CCDC7: variants seen among roughly 807,000 people sequenced by gnomAD.
CCDC7 encodes coiled-coil domain containing 7.
Under a neutral mutation model 196.9 loss-of-function variants are expected in CCDC7, and 183 were observed. The ratio of observed to expected loss-of-function variants is 0.93; its 90% CI spans 0.82 to 1.05. CCDC7 has a LOEUF of 1.05. Ranked by LOEUF, CCDC7 falls within the 50% of genes least tolerant of loss-of-function variation. CCDC7 has a pLI of 0.00. For synonymous variants in CCDC7, 525 were observed against 484.6 expected, an observed-to-expected ratio of 1.08 and a Z score of -1.10; for missense variants, 1,540 against 1,482.2, an observed-to-expected ratio of 1.04 and a Z score of -0.64.
intron 24 of CCDC7, among the ~76,000 whole-genome samples, chr10:32,708,402 T>C (rs180993225): frequency 2.6e-5 from 4 of 152,312 alleles, no homozygotes; most frequent in Admixed American, 1.3e-4. Context: ...TTTCAGATCA[T>C]AGGCATGGAC....
In CCDC7 at chr10:32,640,871, T is replaced by TC. The variant is rs1347741532; in HGVS notation, c.2014+5713_2014+5714insC. 3.9e-4 allele frequency among the ~76,000 whole-genome samples: 45 copies of TC among 115,144 alleles called. 1 individual carries two copies. The highest frequency in any genetic ancestry group is 9.1e-5 in the Non-Finnish European group (5 of 54,736). The allele number at this position is 115,144 out of a possible 152,430, so 75.5% of individuals were successfully genotyped here. A position where few individuals can be genotyped will look rare whatever the true frequency, so the allele number is the denominator to read the frequency against. On this transcript the variant is annotated intron_variant, in intron 20 of 41. Coordinates refer to ENST00000639629, the Ensembl canonical transcript of CCDC7. ...TTCTGGCTTGTAGATTTTCTTTTTT[T>TC]TTTTCTTTTTTTTTTTATTATACTC...
Position 32,582,106 on chromosome 10 carries a change from CTA to C in CCDC7, c.1455-895_1455-894del, listed in dbSNP as rs6143863. Among the ~76,000 whole-genome samples the C allele has an allele frequency of 9.1e-3, 942 of 103,702 alleles. 17 individuals carry two copies. Among genetic ancestry groups the C allele is most frequent in the African/African-American group, 0.02 (624 of 31,246 alleles). The allele number at this position is 103,702 out of a possible 152,430, so 68.0% of individuals were successfully genotyped here. On this transcript the variant is annotated intron_variant, in intron 16 of 41. Transcript: ENST00000639629. ...TCTATGTTTTTTTAAACTGTCAGCA[CTA>C]TATATATATATATATATATATATAT...
intron 13 of CCDC7, among the ~76,000 whole-genome samples, chr10:32,555,577 G>A (rs372820790): frequency 2.6e-4 from 40 of 152,112 alleles, no homozygotes; most frequent in African/African-American, 8.9e-4. Context: ...GACACATTCT[G>A]TAAGGAAGTC....
At chr10:32,625,078 C>A (rs1429207594) in intron 18 of CCDC7, among the ~76,000 whole-genome samples, 1 of 141,222 alleles carries the variant, frequency 7.1e-6, no homozygotes, top group Non-Finnish European at 1.5e-5. Context: ...ATTTTGGTGT[C>A]CTACCCAGAA....
chr10:32,821,394 G>C (rs2090159664), intron 31 of CCDC7, among the ~76,000 whole-genome samples: 2 of 152,184 alleles, frequency 1.3e-5, no homozygotes, highest in Non-Finnish European at 2.9e-5. Context: ...CATTGTGGAA[G>C]TCAGTGTGGC....
downstream of CCDC7, chr10:32,876,414 A>C (rs774284515): frequency 6.3e-7 from 1 of 1,599,406 alleles, no homozygotes; most frequent in Non-Finnish European, 8.5e-7. Context: ...AATTCTGAGC[A>C]AGATAAGCAA....
At chr10:32,546,030 C>A (rs1274801428) in intron 13 of CCDC7, among the ~76,000 whole-genome samples, 1 of 151,842 alleles carries the variant, frequency 6.6e-6, no homozygotes, top group Non-Finnish European at 1.5e-5. Context: ...GAAGGAGAGA[C>A]CAAAGACTGG....
At chr10:32,673,621 T>A (rs12768186) in intron 21 of CCDC7, among the ~76,000 whole-genome samples, 2 of 129,050 alleles carry the variant, frequency 1.5e-5, no homozygotes, top group Non-Finnish European at 3.2e-5. Context: ...ATTCTGTACC[T>A]TTACTGAATT....
chr10:32,658,281 A>G (rs1336515743), intron 20 of CCDC7, among the ~76,000 whole-genome samples: 1 of 152,198 alleles, frequency 6.6e-6, no homozygotes, highest in African/African-American at 2.4e-5. Context: ...AATACCTGAG[A>G]CTAGGTAATT....
chr10:32,464,441 CTAAT>C (rs1036360678), intron 5 of CCDC7, among the ~76,000 whole-genome samples: 1 of 152,068 alleles, frequency 6.6e-6, no homozygotes, highest in Non-Finnish European at 1.5e-5. Flanking sequence ...ATACATATGA[CTAAT>C]TATTTCACTT....
intron 9 of CCDC7, among the ~76,000 whole-genome samples, chr10:32,506,862 A>G (rs963737454): frequency 2.6e-5 from 4 of 151,818 alleles, no homozygotes; most frequent in African/African-American, 9.7e-5. Context: ...GAAAGGGGAG[A>G]GGGAGAGGGA....
chr10:32,852,053 A>G, intron 40 of CCDC7, 121 bp downstream of exon 41: 1 of 1,018,330 alleles, frequency 9.8e-7, no homozygotes, highest in Non-Finnish European at 1.4e-6. Flanking sequence ...AAATGAAAGT[A>G]AATTGTGAGT....
At chr10:32,765,087 T>C (rs2078058763) in intron 28 of CCDC7, among the ~76,000 whole-genome samples, 2 of 151,976 alleles carry the variant, frequency 1.3e-5, no homozygotes, top group African/African-American at 4.8e-5. Context: ...TCATGGCCTC[T>C]CAATCAATTC....
At chr10:32,469,162 C>T (rs1176431128) in intron 5 of CCDC7, among the ~76,000 whole-genome samples, 3 of 151,956 alleles carry the variant, frequency 2.0e-5, no homozygotes, top group Non-Finnish European at 4.4e-5. Flanking sequence ...TGTGATGTAT[C>T]GAGAGTCTAA....
intron 32 of CCDC7, among the ~76,000 whole-genome samples, chr10:32,830,804 A>G (rs2135882200): frequency 6.6e-6 from 1 of 152,318 alleles, no homozygotes; most frequent in Middle Eastern, 3.4e-3. Context: ...TAAAGAAATT[A>G]TGGCTGAAAT....
At chr10:32,536,111 C>CA (rs1347294932) in intron 11 of CCDC7, among the ~76,000 whole-genome samples, 2 of 152,126 alleles carry the variant, frequency 1.3e-5, no homozygotes, top group African/African-American at 4.8e-5. Context: ...GAAGTAACCC[C>CA]TCCCTCACTT....
At chr10:32,806,659 A>T (rs546748163) in intron 30 of CCDC7, among the ~76,000 whole-genome samples, 1 of 152,324 alleles carries the variant, frequency 6.6e-6, no homozygotes, top group East Asian at 1.9e-4. Flanking sequence ...AGAAAGAATT[A>T]AAAAACTTAA....
chr10:32,475,182 A>G (rs945704010), intron 8 of CCDC7, among the ~76,000 whole-genome samples: 1 of 152,094 alleles, frequency 6.6e-6, no homozygotes, highest in Non-Finnish European at 1.5e-5. Flanking sequence ...CTAATATTGT[A>G]CCTTGGCTTC....
intron 9 of CCDC7, among the ~76,000 whole-genome samples, chr10:32,507,225 T>C (rs3006714): frequency 0.14 from 20,964 of 152,028 alleles, 1,756 homozygotes; most frequent in East Asian, 0.25. Context: ...TCTCTTGAGC[T>C]TGTGATCCGC....
Sources: allele counts gnomAD v4.1 joint callset (sites outside exome capture counted in the v4.1 genomes callset), GRCh38; gene constraint gnomAD v4.1.1; transcripts MANE v1.5; gene names NCBI Gene and HGNC (gene_info 2026-07-23, HGNC 2026-07-21).